HFM1: variants seen among roughly 807,000 people sequenced by gnomAD.
The protein encoded by HFM1 is probable ATP-dependent DNA helicase HFM1.
HFM1 carries 169 observed loss-of-function variants against 192.1 expected under a neutral mutation model. That is an observed-to-expected ratio of 0.88 (90% CI 0.78 to 1.00). The LOEUF (loss-of-function observed/expected upper bound fraction) is 1.00. HFM1 is among the 50% of genes least tolerant of loss of function. The pLI, the probability that HFM1 is intolerant of heterozygous loss-of-function variation, is 0.00. For missense variants in HFM1, 1,661 were observed against 1,668.0 expected, an observed-to-expected ratio of 1.00 and a Z score of 0.07; for synonymous variants, 525 against 537.8, an observed-to-expected ratio of 0.98 and a Z score of 0.33.
intron 30 of HFM1, among the ~76,000 whole-genome samples, chr1:91,290,017 C>T (rs576419880): frequency 6.6e-6 from 1 of 152,142 alleles, no homozygotes; most frequent in East Asian, 1.9e-4. Flanking sequence ...TTTGTCACCA[C>T]CAGGCCTGCC....
intron 1 of HFM1, 108 bp from the exon 2 acceptor site, chr1:91,401,217 C>G: frequency 1.7e-6 from 1 of 582,474 alleles, no homozygotes; most frequent in South Asian, 2.2e-5. Context: ...TAACCACAGA[C>G]TATCCTTCCA....
chr1:91,315,730 A>T, intron 28 of HFM1, 85 bp downstream of exon 28: 2 of 945,162 alleles, frequency 2.1e-6, no homozygotes, highest in Non-Finnish European at 1.6e-6. Context: ...TCCCACAATG[A>T]TCTTGTTATT....
At chr1:91,315,167 C>A (rs571288310) in intron 28 of HFM1, among the ~76,000 whole-genome samples, 2 of 152,292 alleles carry the variant, frequency 1.3e-5, no homozygotes, top group African/African-American at 4.8e-5. Context: ...TCCTCCTCTA[C>A]AGAATACGGA....
At chr1:91,389,873 A>C (rs1446645112) in intron 4 of HFM1, among the ~76,000 whole-genome samples, 1 of 152,194 alleles carries the variant, frequency 6.6e-6, no homozygotes, top group Non-Finnish European at 1.5e-5. Flanking sequence ...TGCTGATGGG[A>C]CTATAAAGTG....
At chr1:91,264,595 G>C (rs1665555148) in intron 36 of HFM1, among the ~76,000 whole-genome samples, 1 of 150,610 alleles carries the variant, frequency 6.6e-6, no homozygotes, top group Non-Finnish European at 1.5e-5. Context: ...GGATGGTCTC[G>C]ATCTCCTGAC....
At chr1:91,315,752 A>T in intron 28 of HFM1, 63 bp downstream of exon 28, 1 of 1,215,286 alleles carries the variant, frequency 8.2e-7, no homozygotes, top group Non-Finnish European at 1.1e-6. Flanking sequence ...TTTTTTCAGT[A>T]GAATTTTTCT....
At chr1:91,375,211 T>C (rs1187555224) in intron 13 of HFM1, 147 bp downstream of exon 13, 2 of 605,236 alleles carry the variant, frequency 3.3e-6, no homozygotes, top group Non-Finnish European at 5.9e-6. Flanking sequence ...ACTATCTCAC[T>C]TAATCCTCAA....
At chr1:91,315,096 G>A (rs184997037) in intron 28 of HFM1, among the ~76,000 whole-genome samples, 28 of 152,314 alleles carry the variant, frequency 1.8e-4, no homozygotes, top group Admixed American at 1.8e-3. Context: ...CTAGCTATAT[G>A]ACCATGATTA....
chr1:91,286,063 T>C (rs149291198), intron 30 of HFM1, among the ~76,000 whole-genome samples: 146 of 152,302 alleles, frequency 9.6e-4, no homozygotes, highest in African/African-American at 3.5e-3. Flanking sequence ...TGTAGTTTCC[T>C]TTAAGTGAAA....
At chr1:91,271,560 T>C (rs1377910370) in intron 34 of HFM1, among the ~76,000 whole-genome samples, 1 of 152,076 alleles carries the variant, frequency 6.6e-6, no homozygotes, top group African/African-American at 2.4e-5. Flanking sequence ...AATGAAAATA[T>C]GGGAAAGAGG....
chr1:91,264,376 T>A (rs1570705451), intron 36 of HFM1, among the ~76,000 whole-genome samples: 1 of 101,028 alleles, frequency 9.9e-6, no homozygotes, highest in African/African-American at 4.1e-5. Flanking sequence ...TTTTTTTTTT[T>A]TTTTTTTTTT....
Position 91,380,914 on chromosome 1 carries a change from C to A in HFM1, c.871G>T (p.Asp291Tyr). 1 of 1,304,014 alleles carries A rather than the reference C, an allele frequency of 7.7e-7. No homozygotes were observed. Among genetic ancestry groups the A allele is most frequent in the Middle Eastern group, 1.8e-4 (1 of 5,432 alleles). The allele number at this position is 1,304,014 out of a possible 1,614,324, so 80.8% of individuals were successfully genotyped here. Reference protein sequence around the residue: ...FNYIQSKAFDDLLYTDRNFVI... With the variant: ...FNYIQSKAFDYLLYTDRNFVI... The stretch of plus-strand genomic sequence containing the variant: ...AATAAGTAAAATAAAATACTTACAT[C>A]ATCAAAGGCCTTGGACTGTATATAG... Residue 291 changes from aspartate (D) to tyrosine (Y), a missense_variant and splice_region_variant, in exon 7 of 39, where the codon GAT becomes TAT. Physicochemically the swap from Asp to Tyr is radical, Grantham distance 160. Transcript: ENST00000370425.
At chr1:91,326,365 G>A (rs1309896476) in intron 20 of HFM1, among the ~76,000 whole-genome samples, 2 of 152,064 alleles carry the variant, frequency 1.3e-5, no homozygotes, top group Non-Finnish European at 2.9e-5. Context: ...CCTAAGAGCA[G>A]CAAAAAACAA....
rs184401570 is a variant in HFM1 at position 91,302,740 on chromosome 1, C to T, written c.3391+10609G>A. ...TAGGTGGAATTGAACAATGAGAACA[C>T]ATAGACACAGGAAGTGGAACATCAC... On this transcript the variant is annotated intron_variant, in intron 30 of 38. Coordinates refer to ENST00000370425, the MANE Select transcript of HFM1 (RefSeq NM_001017975.6). 3.0e-3 allele frequency among the ~76,000 whole-genome samples: 373 copies of T among 124,686 alleles called. 2 individuals are homozygous for T. Among genetic ancestry groups the T allele is most frequent in the African/African-American group, 0.011 (346 of 32,484 alleles). 81.8% of individuals were successfully genotyped at this position (124,686 alleles called of 152,430 possible).
intron 13 of HFM1, 88 bp from the exon 14 acceptor site, chr1:91,353,387 A>G (rs1657226594): frequency 8.3e-6 from 6 of 726,900 alleles, no homozygotes; most frequent in Non-Finnish European, 1.3e-5. Flanking sequence ...ACTTAGAGAT[A>G]TCAAAAAATT....
chr1:91,388,049 GC>G (rs1406310450), intron 4 of HFM1, among the ~76,000 whole-genome samples: 4 of 151,924 alleles, frequency 2.6e-5, no homozygotes, highest in Non-Finnish European at 5.9e-5. Flanking sequence ...ACATCAAGGT[GC>G]TGACAGAGTG....
chr1:91,361,402 C>G (rs1658499860), intron 13 of HFM1, among the ~76,000 whole-genome samples: 1 of 152,010 alleles, frequency 6.6e-6, no homozygotes, highest in South Asian at 2.1e-4. Context: ...ATACAAACAA[C>G]CATCAGAGAA....
At chr1:91,273,852 A>C in intron 33 of HFM1, 37 bp from the exon 34 acceptor site, 1 of 1,152,924 alleles carries the variant, frequency 8.7e-7, no homozygotes, top group South Asian at 1.3e-5. Flanking sequence ...GTTAAAGAAA[A>C]TATGGAAATT....
At chr1:91,262,743 G>T in intron 36 of HFM1, 151 bp from the exon 37 acceptor site, 1 of 553,426 alleles carries the variant, frequency 1.8e-6, no homozygotes. Flanking sequence ...TGGAGAGCTT[G>T]GTATATTTCC....
Sources: gnomAD v4.1 joint callset for allele counts (sites outside exome capture counted in the v4.1 genomes callset) on GRCh38, gnomAD v4.1.1 for gene constraint, MANE v1.5 for transcripts, NCBI Gene and HGNC (gene_info 2026-07-23, HGNC 2026-07-21) for gene names.